The following DNAH1 variants were observed in gnomAD, a reference collection of about 807,000 sequenced individuals.
DNAH1 encodes the protein dynein axonemal heavy chain 1, also known as axonemal beta dynein heavy chain 1.
In DNAH1, 327 loss-of-function variants were observed where a neutral mutation model predicts 484.3. That is an observed-to-expected ratio of 0.68 (90% confidence interval 0.62 to 0.74). The LOEUF is 0.74. Among genes scored for constraint, DNAH1 ranks in the 30% least tolerant of loss-of-function variants. DNAH1 has a pLI of 0.00. For synonymous variants in DNAH1, 2,192 were observed against 2,191.9 expected (o/e 1.00, Z 0.00); for missense variants, 5,052 against 5,546.8 (o/e 0.91, Z 2.83).
At position 52,382,431 on chromosome 3, in the gene DNAH1, C is replaced by T; in HGVS notation, c.7917C>T (p.Ile2639=). 1 of 1,613,996 alleles carries T rather than the reference C, an allele frequency of 6.2e-7. No homozygotes were observed. The highest frequency in any genetic ancestry group is 2.2e-5 in the East Asian group (1 of 44,884). Residue 2639 remains isoleucine, a synonymous_variant, in exon 50 of 78, where the codon ATC becomes ATT. Coordinates refer to ENST00000420323, the MANE Select transcript of DNAH1 (RefSeq NM_015512.5). ...AGGCGGGCCTACAGAACCTACCCAT[C>T]ACCTTCCTCTTCTCAGACACCCAGG... is the stretch of plus-strand genomic sequence containing the variant. ...LLKAGLQNLP[I]TFLFSDTQIK... is the part of the protein sequence containing the mutation.
chr3:52,388,634 C>A, intron 58 of DNAH1, 25 bp downstream of exon 58: 1 of 1,611,912 alleles, frequency 6.2e-7, no homozygotes. Flanking sequence ...CCTGCAAGGC[C>A]TGCAAGCGGG....
In DNAH1 at chr3:52,389,512, C is replaced by T. The variant is rs1274141915; in HGVS notation, c.9547C>T (p.His3183Tyr). The T allele has an allele frequency of 6.3e-7, 1 of 1,596,894 alleles. No individual in the cohort carries two copies. The highest frequency in any genetic ancestry group is 1.3e-5 in the African/African-American group (1 of 74,600). ...CAGCTGGGTCAAGCAGCTCAGGAGC[C>T]ACAATGTCCCACACACCTCCGAGCC... ...YDSWVKQLRSHNVPHTSEPTL... is the reference protein window; with the variant it reads ...YDSWVKQLRSYNVPHTSEPTL... Residue 3183 changes from histidine (H) to tyrosine (Y), a missense_variant, in exon 60 of 78, where the codon CAC (histidine) becomes TAC (tyrosine). Transcript: ENST00000420323.
Position 52,399,529 on chromosome 3 carries a change from CTG to C in DNAH1, c.12442-12_12442-11del. ...GTATTGTTATGTGTGTGGGGTGTGT[CTG>C]TGTCTACCCACAGGTGATGTTTGAG... On this transcript the variant is annotated splice_polypyrimidine_tract_variant and intron_variant, in intron 76 of 77. Coordinates refer to ENST00000420323, the MANE Select transcript of DNAH1 (RefSeq NM_015512.5). The C allele has an allele frequency of 6.3e-7, 1 of 1,590,620 alleles. No homozygotes were observed. Among genetic ancestry groups the C allele is most frequent in the Non-Finnish European group, 8.6e-7 (1 of 1,164,222 alleles).
intron 8 of DNAH1, 70 bp downstream of exon 8, chr3:52,332,464 G>A: frequency 6.4e-7 from 1 of 1,571,086 alleles, no homozygotes; most frequent in Non-Finnish European, 8.6e-7. Context: ...TAGGAAGTTG[G>A]TGCTACTCCA....
intron 50 of DNAH1, 78 bp downstream of exon 50, chr3:52,382,533 G>A (rs1359124189): frequency 6.3e-7 from 1 of 1,575,566 alleles, no homozygotes; most frequent in Non-Finnish European, 8.6e-7. Context: ...CCGGAAGGTG[G>A]CCAGTCCTTC....
intron 8 of DNAH1, among the ~76,000 whole-genome samples, chr3:52,332,677 C>T (rs182210919): frequency 1.3e-5 from 2 of 152,226 alleles, no homozygotes; most frequent in East Asian, 3.9e-4. Context: ...ATTTGGCCAG[C>T]GGGAGACTTT....
At chr3:52,311,964 C>T (rs538531784), upstream of DNAH1, among the ~76,000 whole-genome samples, 1 of 152,208 alleles carries the variant, frequency 6.6e-6, no homozygotes, top group African/African-American at 2.4e-5. Context: ...TTATCCTGCA[C>T]CTGCTGACCA....
chr3:52,380,041 A>G lies in DNAH1; in HGVS notation c.7514A>G (p.Asn2505Ser). 3 of 1,601,638 alleles carry G rather than the reference A, an allele frequency of 1.9e-6. No individual in the cohort carries two copies. Among genetic ancestry groups the G allele is most frequent in the Non-Finnish European group, 2.6e-6 (3 of 1,174,174 alleles). The change falls in exon 48 of 78, where the codon AAC becomes AGC. Residue 2505 changes from asparagine to serine, a missense_variant. Physicochemically the swap from Asn to Ser is conservative, Grantham distance 46. Around this residue, in one of 4 missense-constraint regions of DNAH1, gnomAD observed 2,929 missense variants for 3,409.4 expected, o/e 0.86. Transcript: ENST00000420323. ...ATGGAGCAGTGGGAGGTGACCTTCA[A>G]CAAGGTCTGCCCCTTCCAGCCCATT... ...RCMEQWEVTF[N>S]KVCPFQPILY... is the part of the protein sequence containing the mutation.
At position 52,355,278 on chromosome 3, in the gene DNAH1, A is replaced by G. The variant is rs1249947755; in HGVS notation, c.3693+223A>G. On this transcript the variant is annotated intron_variant, in intron 21 of 77. Coordinates refer to ENST00000420323, the MANE Select transcript of DNAH1 (RefSeq NM_015512.5). This position sits in a 1 kb window ranked among gnomAD's most constrained non-coding sequence, Gnocchi z 4.5. ...GGTTCAGCTACTGGATGAGGCAGAT[A>G]AGGGTGCGTAGGGGCAGCATTTGGG... Among the ~76,000 whole-genome samples, 1 of 152,212 alleles carries G rather than the reference A, an allele frequency of 6.6e-6. No individual in the cohort carries two copies. Among genetic ancestry groups the G allele is most frequent in the East Asian group, 1.9e-4 (1 of 5,192 alleles).
At chr3:52,359,716 C>T (rs1345743839) in intron 26 of DNAH1, among the ~76,000 whole-genome samples, 200 bp from the exon 27 acceptor site, 1 of 152,226 alleles carries the variant, frequency 6.6e-6, no homozygotes, top group African/African-American at 2.4e-5. Flanking sequence ...CGACATGCTG[C>T]AGGGAGGCAG....
chr3:52,394,430 G>A (rs770018982), intron 66 of DNAH1, 35 bp from the exon 67 acceptor site: 1 of 1,609,270 alleles, frequency 6.2e-7, no homozygotes, highest in Non-Finnish European at 8.5e-7. Context: ...AGCTGGCCAG[G>A]GCCTGGGCAT....
chr3:52,368,384 C>T lies in DNAH1; in HGVS notation c.5766-357C>T, dbSNP rs1356737804. The stretch of plus-strand genomic sequence containing the variant: ...CCCTGGGTTCTGAGGCAGGACCTGG[C>T]CACTTCTCACCACGCTGCTTTCTCT... On this transcript the variant is annotated intron_variant, in intron 36 of 77. Coordinates refer to ENST00000420323, the MANE Select transcript of DNAH1 (RefSeq NM_015512.5). The surrounding 1 kb of genome is among the most constrained non-coding windows in gnomAD (Gnocchi z 4.4). 6.6e-6 allele frequency among the ~76,000 whole-genome samples: 1 copy of T among 152,122 alleles called. No individual in the cohort carries two copies. Among genetic ancestry groups the T allele is most frequent in the African/African-American group, 2.4e-5 (1 of 41,418 alleles).
intron 41 of DNAH1, 77 bp downstream of exon 41, chr3:52,370,902 C>T (rs1703311769): frequency 1.4e-6 from 2 of 1,425,938 alleles, no homozygotes. Context: ...GAATTATGGC[C>T]ACACAGGGAG....
chr3:52,343,025 G>A (rs1702007008), intron 8 of DNAH1, among the ~76,000 whole-genome samples: 1 of 152,146 alleles, frequency 6.6e-6, no homozygotes, highest in African/African-American at 2.4e-5. Flanking sequence ...TCAGGGAGGT[G>A]AGGAAGATCC....
Position 52,361,764 on chromosome 3 carries a change from C to G in DNAH1, c.4978C>G (p.Arg1660Gly). 1 of 1,598,890 alleles carries G rather than the reference C, an allele frequency of 6.3e-7. No individual in the cohort carries two copies. Among genetic ancestry groups the G allele is most frequent in the African/African-American group, 1.3e-5 (1 of 74,762 alleles). ...ITTIQKAQQQ[R>G]VERFMFEGVE... The stretch of plus-strand genomic sequence containing the variant: ...CACCATCCAGAAGGCGCAGCAGCAG[C>G]GGGTGAGCCCGGGGGACCCACCTTA... Residue 1660 changes from arginine (R) to glycine (G), a missense_variant and splice_region_variant, in exon 30 of 78, where the codon CGG (arginine) becomes GGG (glycine). Physicochemically the swap from Arg to Gly is moderately radical, Grantham distance 125. Transcript: ENST00000420323. The surrounding 1 kb of genome is among the most constrained non-coding windows in gnomAD (Gnocchi z 5.6).
chr3:52,397,216 G>C (rs1704677126), intron 73 of DNAH1, among the ~76,000 whole-genome samples, 172 bp downstream of exon 73: 1 of 151,998 alleles, frequency 6.6e-6, no homozygotes. Flanking sequence ...GAGGGAGTCA[G>C]ACCCTGCCCA....
At chr3:52,326,647 C>T in intron 4 of DNAH1, 88 bp from the exon 5 acceptor site, 1 of 1,488,412 alleles carries the variant, frequency 6.7e-7, no homozygotes, top group Non-Finnish European at 9.0e-7. Context: ...ACCCCTGTCC[C>T]CACAACCCCG....
At chr3:52,380,584 A>G (rs1703801110) in intron 48 of DNAH1, among the ~76,000 whole-genome samples, 1 of 152,230 alleles carries the variant, frequency 6.6e-6, no homozygotes, top group Non-Finnish European at 1.5e-5. Context: ...ACACCCTGGT[A>G]AGCCCCAGAA....
In DNAH1 at chr3:52,352,047, C is replaced by G. The variant is rs372568029; in HGVS notation, c.2815C>G (p.Arg939Gly). 3.1e-6 allele frequency: 5 copies of G among 1,591,932 alleles called. No individual in the cohort carries two copies. In the South Asian group the frequency reaches 5.7e-5, roughly 18 times the overall value. Residue 939 changes from arginine (R) to glycine (G), a missense_variant, in exon 17 of 78, where the codon CGC becomes GGC. Around this residue, in one of 4 missense-constraint regions of DNAH1, gnomAD observed 1,263 missense variants for 1,218.8 expected, o/e 1.04. Coordinates refer to ENST00000420323, the MANE Select transcript of DNAH1 (RefSeq NM_015512.5). The stretch of plus-strand genomic sequence containing the variant: ...GCATGTGGAGGATGAGGAGAAGTTC[C>G]GCAAAATCCAGATCATGGATCAGAA... ...QQHVEDEEKF[R>G]KIQIMDQNNF...
Sources: gnomAD v4.1 joint callset for allele counts (sites outside exome capture counted in the v4.1 genomes callset) on GRCh38, gnomAD v4.1.1 for gene constraint, gnomAD v4.1.1 regional missense constraint, Gnocchi (gnomAD v3.1) non-coding constraint, MANE v1.5 for transcripts, NCBI Gene and HGNC (gene_info 2026-07-23, HGNC 2026-07-21) for gene names.